The following ADAM22 variants were observed in gnomAD, a reference collection of about 807,000 sequenced individuals.
The protein encoded by ADAM22 is ADAM metallopeptidase domain 22, also known as disintegrin and metalloproteinase domain-containing protein 22.
ADAM22 carries 65 observed loss-of-function variants against 144.6 expected under a neutral mutation model. The observed-to-expected ratio is 0.45, with a 90% CI of 0.37 to 0.55. The LOEUF is 0.55. ADAM22 is among the 20% of genes least tolerant of loss of function. The pLI is 0.00. For synonymous variants in ADAM22, 391 were observed against 412.6 expected, an observed-to-expected ratio of 0.95 and a Z score of 0.63; for missense variants, 974 against 1,184.9, an observed-to-expected ratio of 0.82 and a Z score of 2.61.
intron 3 of ADAM22, among the ~76,000 whole-genome samples, chr7:88,036,835 A>C (rs147331755): frequency 1.8e-4 from 27 of 152,234 alleles, no homozygotes; most frequent in African/African-American, 6.5e-4. Flanking sequence ...CCTCCTATGT[A>C]ATCTTACCAT....
rs772899346 is a variant in ADAM22, at chr7:88,145,455, C to T, written c.1433C>T (p.Thr478Ile). 1 of 1,613,632 alleles carries T rather than the reference C, an allele frequency of 6.2e-7. No homozygotes were observed. Among genetic ancestry groups the T allele is most frequent in the South Asian group, 1.1e-5 (1 of 91,054 alleles). Residue 478 changes from threonine (T) to isoleucine (I), a missense_variant, in exon 17 of 32, where the codon ACC becomes ATC. By Grantham distance (89) the Thr-to-Ile change is moderately conservative (BLOSUM62 -1). This residue lies in a region of ADAM22 where 734 missense variants were observed against 950.6 expected (regional missense o/e 0.77). Coordinates refer to ENST00000413139, the MANE Select transcript of ADAM22 (RefSeq NM_001324418.2). ...LEGAECCKKC[T>I]LTQDSQCSDG... The stretch of plus-strand genomic sequence containing the variant: ...GGAGCAGAGTGTTGTAAGAAATGCA[C>T]CTTGACTCAAGACTCTCAATGCAGT...
At chr7:88,053,516 G>C (rs1282521847) in intron 3 of ADAM22, among the ~76,000 whole-genome samples, 2 of 150,382 alleles carry the variant, frequency 1.3e-5, no homozygotes, top group Non-Finnish European at 2.9e-5. Context: ...GAAATGCTCA[G>C]AGGCATTCTT....
intron 3 of ADAM22, among the ~76,000 whole-genome samples, chr7:88,054,505 A>G (rs1237583999): frequency 2.0e-5 from 3 of 151,806 alleles, no homozygotes; most frequent in Admixed American, 2.0e-4. Flanking sequence ...TCTATCATAC[A>G]TTCATCTTAG....
chr7:88,084,078 TTCTA>T lies in ADAM22; in HGVS notation c.390+8390_390+8393del, dbSNP rs531214294. Among the ~76,000 whole-genome samples, 30 of 152,302 alleles carry T rather than the reference TTCTA, an allele frequency of 2.0e-4. No individual in the cohort carries two copies. The South Asian group carries it at 3.5e-3, about 18-fold the overall frequency. On this transcript the variant is annotated intron_variant, in intron 4 of 31. Coordinates refer to ENST00000413139, the MANE Select transcript of ADAM22 (RefSeq NM_001324418.2). Reference sequence around the variant, plus strand: ...AGGAAACAGGCCATTCACTATCTATTTCTATCTGTGTCTGTCAGTGGAATGATGA... The same window carrying T: ...AGGAAACAGGCCATTCACTATCTATTTCTGTGTCTGTCAGTGGAATGATGA...
At chr7:88,135,296 A>G (rs1057031960) in intron 13 of ADAM22, among the ~76,000 whole-genome samples, 1 of 151,394 alleles carries the variant, frequency 6.6e-6, no homozygotes, top group Non-Finnish European at 1.5e-5. Flanking sequence ...AAAAAAAAAA[A>G]AAAAAAAGCT....
chr7:87,999,341 G>A (rs1791989363), intron 3 of ADAM22, among the ~76,000 whole-genome samples: 1 of 152,198 alleles, frequency 6.6e-6, no homozygotes, highest in South Asian at 2.1e-4. Context: ...GTGTGTGGGT[G>A]TATGTGTCAT....
Position 88,152,081 on chromosome 7 carries a change from C to T in ADAM22, c.1681+761C>T, listed in dbSNP as rs556454469. 2.4e-4 allele frequency among the ~76,000 whole-genome samples: 36 copies of T among 152,206 alleles called. No homozygotes were observed. In the South Asian group the frequency reaches 6.2e-3, roughly 26 times the overall value. ...AATAGTTATAAGTAGGTGCCACAAT[C>T]CTTTTAGGAGGGGAAGTGTATGCTC... On this transcript the variant is annotated intron_variant, in intron 20 of 31. Transcript: ENST00000413139.
chr7:88,172,550 AT>A (rs908320586), intron 26 of ADAM22, among the ~76,000 whole-genome samples: 2 of 151,802 alleles, frequency 1.3e-5, no homozygotes, highest in African/African-American at 4.8e-5. Flanking sequence ...CACAACTTTC[AT>A]TTTTTTCACA....
At chr7:88,092,378 A>G (rs2129485136) in intron 4 of ADAM22, among the ~76,000 whole-genome samples, 1 of 152,332 alleles carries the variant, frequency 6.6e-6, no homozygotes, top group East Asian at 1.9e-4. Context: ...AAACTGATAA[A>G]GTGTTTATTT....
At chr7:88,125,264 T>C (rs1260529883) in intron 7 of ADAM22, among the ~76,000 whole-genome samples, 1 of 152,008 alleles carries the variant, frequency 6.6e-6, no homozygotes, top group Admixed American at 6.6e-5. Context: ...TTGCTGCCTC[T>C]AGAAGGTTAG....
At chr7:88,000,842 T>C (rs568482385) in intron 3 of ADAM22, among the ~76,000 whole-genome samples, 8 of 152,306 alleles carry the variant, frequency 5.3e-5, no homozygotes, top group Admixed American at 4.6e-4. Flanking sequence ...TATTAACTTA[T>C]ATGCTAGGAA....
chr7:87,991,699 A>G (rs1018348770), intron 3 of ADAM22, among the ~76,000 whole-genome samples: 3 of 152,180 alleles, frequency 2.0e-5, no homozygotes, highest in Admixed American at 6.5e-5. Flanking sequence ...TTGAACCAAC[A>G]CACAAATCAG....
At position 87,946,800 on chromosome 7, in the gene ADAM22, A is replaced by C. The variant is rs574283662; in HGVS notation, c.246+11614A>C. Among the ~76,000 whole-genome samples, 15 of 152,338 alleles carry C rather than the reference A, an allele frequency of 9.8e-5. No individual in the cohort carries two copies. In the South Asian group the frequency reaches 1.9e-3, roughly 19 times the overall value. On this transcript the variant is annotated intron_variant, in intron 2 of 31. Transcript: ENST00000413139. ...TCATAACAGCAAAGTCAGGGAATCA[A>C]CCTAGGTGCTCATTCATGGTGGACT...
intron 22 of ADAM22, among the ~76,000 whole-genome samples, chr7:88,161,020 G>A (rs1434219504): frequency 6.6e-6 from 1 of 152,010 alleles, no homozygotes; most frequent in Non-Finnish European, 1.5e-5. Context: ...TGTAAATGAC[G>A]AGTTACTGGG....
chr7:88,033,291 G>A (rs1195829179), intron 3 of ADAM22, among the ~76,000 whole-genome samples: 1 of 152,254 alleles, frequency 6.6e-6, no homozygotes, highest in Non-Finnish European at 1.5e-5. Flanking sequence ...GGCTCTTGCA[G>A]ACTTGTAGAG....
In ADAM22 at chr7:87,971,747, C is replaced by G. The variant is rs12670500; in HGVS notation, c.247-6589C>G. On this transcript the variant is annotated intron_variant, in intron 2 of 31. Transcript: ENST00000413139. Reference sequence around the variant, plus strand: ...TACTGATTCTCTCTTCTCAAACATACCTTTTTCCTTAAACTAAAAAGGCAG... The same window carrying G: ...TACTGATTCTCTCTTCTCAAACATAGCTTTTTCCTTAAACTAAAAAGGCAG... 6.1e-3 allele frequency among the ~76,000 whole-genome samples: 933 copies of G among 152,294 alleles called. 13 individuals are homozygous for G. Among genetic ancestry groups the G allele is most frequent in the East Asian group, 0.046 (239 of 5,182 alleles).
intron 3 of ADAM22, among the ~76,000 whole-genome samples, chr7:87,991,618 G>A (rs868357920): frequency 6.6e-5 from 10 of 151,222 alleles, no homozygotes; most frequent in African/African-American, 2.4e-4. Context: ...CACCCGCCTC[G>A]GCCTCCCAAA....
At chr7:88,147,874 T>G (rs1203956783) in intron 17 of ADAM22, among the ~76,000 whole-genome samples, 1 of 152,184 alleles carries the variant, frequency 6.6e-6, no homozygotes, top group African/African-American at 2.4e-5. Context: ...GAAATTAAAT[T>G]TTCTTATTTC....
chr7:88,026,359 C>T (rs114311380), intron 3 of ADAM22, among the ~76,000 whole-genome samples: 3 of 152,126 alleles, frequency 2.0e-5, no homozygotes, highest in African/African-American at 2.4e-5. Flanking sequence ...CTTTTAACAA[C>T]GAGATGTCAC....
Sources: gnomAD v4.1 joint callset for allele counts (sites outside exome capture counted in the v4.1 genomes callset) on GRCh38, gnomAD v4.1.1 for gene constraint, gnomAD v4.1.1 regional missense constraint, MANE v1.5 for transcripts, NCBI Gene and HGNC (gene_info 2026-07-23, HGNC 2026-07-21) for gene names.